TBC1D23: variants seen among roughly 807,000 people sequenced by gnomAD.
The protein encoded by TBC1D23 is TBC1 domain family member 23.
In TBC1D23, 55 loss-of-function variants were observed where a neutral mutation model predicts 91.4. The ratio of observed to expected loss-of-function variants is 0.60; its 90% CI spans 0.48 to 0.75. TBC1D23 has a LOEUF of 0.75. Among genes scored for constraint, TBC1D23 ranks in the 30% least tolerant of loss-of-function variants. The pLI is 0.00. For missense variants in TBC1D23, 725 were observed against 836.1 expected, an observed-to-expected ratio of 0.87 and a Z score of 1.64; for synonymous variants, 289 against 281.0, an observed-to-expected ratio of 1.03 and a Z score of -0.28.
chr3:100,315,818 T>G, intron 15 of TBC1D23: 4 of 401,134 alleles, frequency 1.0e-5, no homozygotes, highest in East Asian at 4.4e-5. Context: ...GATCTAAGCA[T>G]TGGTTTTAAT....
At chr3:100,280,936 G>T (rs767178020) in intron 2 of TBC1D23, among the ~76,000 whole-genome samples, 2 of 152,158 alleles carry the variant, frequency 1.3e-5, no homozygotes, top group African/African-American at 4.8e-5. Flanking sequence ...GAGGCAGGTG[G>T]ATCACCTGAG....
chr3:100,304,346 C>T (rs1705481711), intron 11 of TBC1D23, among the ~76,000 whole-genome samples: 1 of 151,988 alleles, frequency 6.6e-6, no homozygotes, highest in Non-Finnish European at 1.5e-5. Context: ...ATGATAAATA[C>T]TATTTAGATG....
chr3:100,302,943 C>G (rs1049034649), intron 11 of TBC1D23, among the ~76,000 whole-genome samples: 23 of 152,172 alleles, frequency 1.5e-4, no homozygotes, highest in African/African-American at 4.6e-4. Context: ...TTTACAGTAA[C>G]TATATGATTC....
At position 100,310,391 on chromosome 3, in the gene TBC1D23, TTC is replaced by T. The variant is rs1705605013; in HGVS notation, c.1414-10_1414-9del. 1 of 1,607,804 alleles carries T rather than the reference TTC, an allele frequency of 6.2e-7. No homozygotes were observed. Among genetic ancestry groups the T allele is most frequent in the South Asian group, 1.1e-5 (1 of 90,324 alleles). ...ATTCAGAGGCAGTTAATCCATTATGTTCTTTTTTTAGGGTGAATCTCCTAATG... is the reference window on the plus strand; with the variant it reads ...ATTCAGAGGCAGTTAATCCATTATGTTTTTTTTAGGGTGAATCTCCTAATG... On this transcript the variant is annotated splice_polypyrimidine_tract_variant and intron_variant, in intron 13 of 18. Transcript: ENST00000394144.
intron 15 of TBC1D23, among the ~76,000 whole-genome samples, chr3:100,312,864 A>G (rs1165379030): frequency 6.6e-6 from 1 of 152,084 alleles, no homozygotes. Flanking sequence ...CTCTAAGACT[A>G]TACTTTCAGC....
intron 1 of TBC1D23, among the ~76,000 whole-genome samples, chr3:100,263,116 G>C (rs1375241403): frequency 6.6e-6 from 1 of 152,222 alleles, no homozygotes; most frequent in Non-Finnish European, 1.5e-5. Flanking sequence ...AGCGAAGGGA[G>C]ATAAGGGCGG....
intron 1 of TBC1D23, among the ~76,000 whole-genome samples, chr3:100,271,911 G>GT (rs2067602856): frequency 6.6e-6 from 1 of 152,206 alleles, no homozygotes; most frequent in Admixed American, 6.5e-5. Flanking sequence ...GAAGTCAAGG[G>GT]TGTTGTCAAG....
chr3:100,284,024 A>G (rs969551779), intron 4 of TBC1D23: 31 of 488,106 alleles, frequency 6.4e-5, no homozygotes, highest in African/African-American at 4.0e-4. Context: ...AACAGTGGTT[A>G]TACTGGGGTT....
intron 4 of TBC1D23, among the ~76,000 whole-genome samples, 168 bp from the exon 5 acceptor site, chr3:100,290,408 CTT>C (rs1378565774): frequency 6.6e-6 from 1 of 152,198 alleles, no homozygotes; most frequent in African/African-American, 2.4e-5. Context: ...GTTTCTGCAA[CTT>C]TTGTCAAGTC....
chr3:100,319,679 C>T (rs11915719), intron 17 of TBC1D23, among the ~76,000 whole-genome samples: 15 of 152,242 alleles, frequency 9.9e-5, no homozygotes, highest in South Asian at 6.2e-4. Context: ...CCGCCCACCT[C>T]GGCCTCCCAA....
chr3:100,290,888 G>T (rs1401935795), intron 5 of TBC1D23, among the ~76,000 whole-genome samples, 187 bp downstream of exon 5: 1 of 151,816 alleles, frequency 6.6e-6, no homozygotes, highest in African/African-American at 2.4e-5. Flanking sequence ...TGTTAGTTCA[G>T]CTTATTTGAT....
chr3:100,261,120 T>A, intron 1 of TBC1D23, 49 bp downstream of exon 1: 1 of 1,564,354 alleles, frequency 6.4e-7, no homozygotes, highest in Non-Finnish European at 8.8e-7. Flanking sequence ...TTCTTCCTTC[T>A]CACCATCTTG....
intron 16 of TBC1D23, 27 bp from the exon 17 acceptor site, chr3:100,319,042 A>G (rs1018395025): frequency 7.0e-7 from 1 of 1,421,246 alleles, no homozygotes. Flanking sequence ...GGTAATATCC[A>G]TATTTAATAC....
intron 4 of TBC1D23, among the ~76,000 whole-genome samples, chr3:100,289,970 A>T: frequency 6.6e-6 from 1 of 152,190 alleles, no homozygotes. Context: ...GGTGCCTTTT[A>T]CTTTAAAACA....
chr3:100,310,648 A>T, intron 14 of TBC1D23, 106 bp downstream of exon 14: 1 of 813,266 alleles, frequency 1.2e-6, no homozygotes, highest in South Asian at 2.3e-5. Context: ...CCAGAAAAGG[A>T]TTATAAAGTA....
rs758816003 is a variant in TBC1D23, at chr3:100,306,559, G to A, written c.1413+16G>A. 1 of 1,467,906 alleles carries A rather than the reference G, an allele frequency of 6.8e-7. No individual in the cohort carries two copies. 90.9% of individuals were successfully genotyped at this position (1,467,906 alleles called of 1,614,324 possible). A position where few individuals can be genotyped will look rare whatever the true frequency, so the allele number is the denominator to read the frequency against. On this transcript the variant is annotated intron_variant, in intron 13 of 18. Transcript: ENST00000394144. ...TTCTGTTGATGTAAGTATATGTAGA[G>A]AATATGTTACCGGATTTGGATAAGT...
At chr3:100,270,434 TGA>T (rs773960319) in intron 1 of TBC1D23, among the ~76,000 whole-genome samples, 7 of 152,088 alleles carry the variant, frequency 4.6e-5, no homozygotes, top group Non-Finnish European at 7.4e-5. Flanking sequence ...TTTGGGTGAA[TGA>T]GAGAGTAAGT....
At chr3:100,314,091 ATT>A (rs71299383) in intron 15 of TBC1D23, among the ~76,000 whole-genome samples, 34 of 94,574 alleles carry the variant, frequency 3.6e-4, no homozygotes, top group African/African-American at 9.3e-4. Flanking sequence ...AGGCTACAAA[ATT>A]TTTTTTTTTT....
At chr3:100,268,495 C>A (rs1469069165) in intron 1 of TBC1D23, among the ~76,000 whole-genome samples, 1 of 152,152 alleles carries the variant, frequency 6.6e-6, no homozygotes, top group East Asian at 1.9e-4. Context: ...GTTGTCACTT[C>A]ATTTGCTGTA....
Sources: gnomAD v4.1 joint callset for allele counts (sites outside exome capture counted in the v4.1 genomes callset) on GRCh38, gnomAD v4.1.1 for gene constraint, MANE v1.5 for transcripts, NCBI Gene and HGNC (gene_info 2026-07-23, HGNC 2026-07-21) for gene names.